The following RHOD variants were observed in gnomAD, a reference collection of about 807,000 sequenced individuals.
RHOD encodes the protein ras homolog family member D.
A neutral mutation model predicts 16.7 loss-of-function variants in RHOD; 11 were observed. The ratio of observed to expected loss-of-function variants is 0.66; its 90% confidence interval spans 0.41 to 1.09. The LOEUF is 1.09. RHOD is among the 50% of genes least tolerant of loss of function. The pLI, the probability that RHOD is intolerant of heterozygous loss-of-function variation, is 0.00. For missense variants in RHOD, 271 were observed against 291.7 expected, an observed-to-expected ratio of 0.93 and a Z score of 0.52; for synonymous variants, 124 against 126.3, an observed-to-expected ratio of 0.98 and a Z score of 0.12.
Position 67,071,751 on chromosome 11 carries a change from G to T in RHOD, c.*149G>T. The T allele has an allele frequency of 2.5e-6, 2 of 790,202 alleles. No homozygotes were observed. The highest frequency in any genetic ancestry group is 3.9e-6 in the Non-Finnish European group (2 of 516,882). 48.9% of individuals were successfully genotyped at this position (790,202 alleles called of 1,614,324 possible). ...CAAAGCCAGGCCCTGAGGCCTGGGAGTCCTGGACTGAGAAAGGGGGTTCCT... is the reference window on the plus strand; with the variant it reads ...CAAAGCCAGGCCCTGAGGCCTGGGATTCCTGGACTGAGAAAGGGGGTTCCT... On this transcript the variant is annotated 3_prime_UTR_variant, in exon 5 of 5. Transcript: ENST00000308831.
rs756286221 is a variant in RHOD at position 67,057,017 on chromosome 11, G to C, written c.115G>C (p.Asp39His). The C allele has an allele frequency of 6.7e-7, 1 of 1,498,994 alleles. No individual in the cohort carries two copies. Among genetic ancestry groups the C allele is most frequent in the Non-Finnish European group, 8.8e-7 (1 of 1,134,466 alleles). The allele number at this position is 1,498,994 out of a possible 1,614,324, so 92.9% of individuals were successfully genotyped here. ...GKTSLLMVFA[D>H]GAFPESYTPT... ...GACGTCGCTGCTGATGGTCTTCGCCGATGGGGCCTTCCCCGAGGTGAGTGC... is the reference window on the plus strand; with the variant it reads ...GACGTCGCTGCTGATGGTCTTCGCCCATGGGGCCTTCCCCGAGGTGAGTGC... Residue 39 changes from aspartate to histidine, a missense_variant, in exon 1 of 5, where the codon GAT (aspartate) becomes CAT (histidine). By Grantham distance (81) the Asp-to-His change is moderately conservative (BLOSUM62 -1). Transcript: ENST00000308831.
At position 67,070,473 on chromosome 11, in the gene RHOD, G is replaced by A. The variant is rs774097195; in HGVS notation, c.379G>A (p.Val127Met). The part of the protein sequence containing the change: ...HFCKKVPIIV[V>M]GCKTDLRKDK... ...CTGCAAGAAGGTACCCATCATCGTC[G>A]TGGGCTGCAAGACTGACCTGCGCAA... Residue 127 changes from valine (V) to methionine (M), a missense_variant, in exon 4 of 5, where the codon GTG (valine) becomes ATG (methionine). Physicochemically the swap from Val to Met is conservative, Grantham distance 21. Transcript: ENST00000308831. 12 of 1,613,830 alleles carry A rather than the reference G, an allele frequency of 7.4e-6. No individual in the cohort carries two copies. Among genetic ancestry groups the A allele is most frequent in the Middle Eastern group, 1.6e-4 (1 of 6,082 alleles).
At chr11:67,068,867 A>T (rs954653796) in intron 3 of RHOD, among the ~76,000 whole-genome samples, 1 of 151,908 alleles carries the variant, frequency 6.6e-6, no homozygotes, top group Admixed American at 6.6e-5. Flanking sequence ...TCTCATGGGC[A>T]GTTTCGGTGG....
intron 1 of RHOD, among the ~76,000 whole-genome samples, chr11:67,060,477 G>A (rs143927179): frequency 3.0e-4 from 46 of 152,310 alleles, no homozygotes; most frequent in African/African-American, 1.1e-3. Flanking sequence ...ATGACGTCCC[G>A]AGTGGGGGAA....
intron 3 of RHOD, among the ~76,000 whole-genome samples, chr11:67,069,228 C>T (rs932735008): frequency 2.0e-5 from 3 of 152,346 alleles, no homozygotes; most frequent in Middle Eastern, 3.4e-3. Context: ...CCGGGATCCC[C>T]GGCTCCCCAG....
intron 1 of RHOD, among the ~76,000 whole-genome samples, chr11:67,064,854 A>G (rs956383603): frequency 1.6e-4 from 25 of 151,960 alleles, no homozygotes; most frequent in African/African-American, 5.8e-4. Context: ...GGTTGCAGTG[A>G]GCTGTGGTGC....
chr11:67,066,885 C>A, intron 3 of RHOD, 38 bp downstream of exon 3: 1 of 1,341,220 alleles, frequency 7.5e-7, no homozygotes, highest in Non-Finnish European at 1.1e-6. Flanking sequence ...GCCCCCATAG[C>A]CAGGCCACTC....
At chr11:67,069,669 T>C (rs2136249706) in intron 3 of RHOD, among the ~76,000 whole-genome samples, 1 of 149,398 alleles carries the variant, frequency 6.7e-6, no homozygotes, top group Non-Finnish European at 1.5e-5. Flanking sequence ...CTGGATTGAT[T>C]GATTTATTTT....
Position 67,071,551 on chromosome 11 carries a change from C to G in RHOD, c.582C>G (p.Arg194=), listed in dbSNP as rs2136250680. Residue 194 remains arginine (R), a synonymous_variant, in exon 5 of 5, where the codon CGC becomes CGG. Transcript: ENST00000308831. The part of the protein sequence containing the change: ...QEAAEVALSS[R]GRNFWRRITQ... ...CCGCCGAGGTGGCCCTCAGCAGCCG[C>G]GGTCGCAACTTCTGGCGGCGGATTA... 1.2e-6 allele frequency: 2 copies of G among 1,611,828 alleles called. No individual in the cohort carries two copies. The highest frequency in any genetic ancestry group is 2.2e-5 in the South Asian group (2 of 90,786).
At chr11:67,060,710 C>T (rs1187323968) in intron 1 of RHOD, among the ~76,000 whole-genome samples, 2 of 152,240 alleles carry the variant, frequency 1.3e-5, no homozygotes, top group African/African-American at 2.4e-5. Context: ...ACTGACGTTC[C>T]GAGCTTGCAA....
chr11:67,062,243 G>C (rs1283562112), intron 1 of RHOD, among the ~76,000 whole-genome samples: 1 of 152,280 alleles, frequency 6.6e-6, no homozygotes, highest in African/African-American at 2.4e-5. Flanking sequence ...TCACCTGCCA[G>C]TCCATCCTCC....
intron 1 of RHOD, among the ~76,000 whole-genome samples, chr11:67,058,862 A>T (rs1465083307): frequency 6.6e-6 from 1 of 152,052 alleles, no homozygotes; most frequent in Non-Finnish European, 1.5e-5. Flanking sequence ...CATTTTTTTA[A>T]GTTGGGGGAA....
At chr11:67,061,750 A>AT (rs1854890379) in intron 1 of RHOD, among the ~76,000 whole-genome samples, 2 of 137,138 alleles carry the variant, frequency 1.5e-5, no homozygotes, top group Non-Finnish European at 3.1e-5. Flanking sequence ...AAAAAAAAAA[A>AT]AAAAAATATA....
intron 3 of RHOD, 113 bp from the exon 4 acceptor site, chr11:67,070,312 C>T (rs1325396132): frequency 1.7e-6 from 2 of 1,148,992 alleles, no homozygotes; most frequent in Non-Finnish European, 2.6e-6. Flanking sequence ...GCTGGCTTTG[C>T]TGATTATCCA....
At chr11:67,057,324 C>T (rs1854825486) in intron 1 of RHOD, among the ~76,000 whole-genome samples, 1 of 152,214 alleles carries the variant, frequency 6.6e-6, no homozygotes, top group Non-Finnish European at 1.5e-5. Flanking sequence ...CCACACAATT[C>T]CGCTGAGGGC....
Position 67,056,986 on chromosome 11 carries a change from CG to C in RHOD, c.87del (p.Lys30ArgfsTer5). 6.6e-7 allele frequency: 1 copy of C among 1,510,038 alleles called. No individual in the cohort carries two copies. The allele number at this position is 1,510,038 out of a possible 1,614,324, so 93.5% of individuals were successfully genotyped here. A position where few individuals can be genotyped will look rare whatever the true frequency, so the allele number is the denominator to read the frequency against. ...TGGTCCTGGTGGGCGACGGCGGCTG[CG>C]GGAAGACGTCGCTGCTGATGGTCTT... ...KVVLVGDGGC[G>X]KTSLLMVFAD... On this transcript the variant is annotated frameshift_variant, in exon 1 of 5. Transcript: ENST00000308831. LOFTEE classifies it high-confidence loss of function.
intron 1 of RHOD, among the ~76,000 whole-genome samples, chr11:67,060,986 T>C (rs1854879604): frequency 1.3e-5 from 2 of 152,220 alleles, no homozygotes; most frequent in African/African-American, 4.8e-5. Context: ...CTGGGTGTAT[T>C]AGTCCATTTT....
intron 3 of RHOD, among the ~76,000 whole-genome samples, chr11:67,068,185 A>G (rs1274969733): frequency 6.6e-6 from 1 of 152,210 alleles, no homozygotes; most frequent in Non-Finnish European, 1.5e-5. Context: ...GGAGTGGGAC[A>G]TCCTAGTGGA....
At chr11:67,064,705 A>C (rs1040626611) in intron 1 of RHOD, among the ~76,000 whole-genome samples, 12 of 152,158 alleles carry the variant, frequency 7.9e-5, no homozygotes, top group Admixed American at 2.6e-4. Flanking sequence ...GGAATGAATA[A>C]ACATGTAGGT....
Sources: gnomAD v4.1 joint callset for allele counts (sites outside exome capture counted in the v4.1 genomes callset) on GRCh38, gnomAD v4.1.1 for gene constraint, MANE v1.5 for transcripts, NCBI Gene and HGNC (gene_info 2026-07-23, HGNC 2026-07-21) for gene names.